Variants in UGT2A2 observed in about 807,000 individuals in gnomAD.
UGT2A2 encodes the protein UDP glucuronosyltransferase family 2 member A2.
In UGT2A2, 60 loss-of-function variants were observed where a neutral mutation model predicts 50.7. The observed-to-expected ratio is 1.18, with a 90% CI of 0.96 to 1.47. UGT2A2 has a LOEUF of 1.47. Among genes scored for constraint, UGT2A2 ranks in the 40% most tolerant of loss-of-function variants. The probability of loss-of-function intolerance (pLI) is 0.00; values close to 1 mark genes in which losing one functional copy is unlikely to be tolerated. For missense variants in UGT2A2, 762 were observed against 634.0 expected (o/e 1.20, Z -2.17); for synonymous variants, 242 against 214.6 (o/e 1.13, Z -1.11).
intron 1 of UGT2A2, among the ~76,000 whole-genome samples, chr4:69,613,391 A>T (rs1720183397): frequency 2.0e-5 from 3 of 151,974 alleles, no homozygotes; most frequent in Admixed American, 2.0e-4. Context: ...TCACTGTTGA[A>T]TTCTACCAAA....
chr4:69,594,728 G>A (rs1484354949), intron 4 of UGT2A2, 32 bp from the exon 5 acceptor site: 3 of 1,594,414 alleles, frequency 1.9e-6, no homozygotes, highest in African/African-American at 2.7e-5. Context: ...AAGTGGGTGT[G>A]TAATAATAAC....
chr4:69,619,156 G>C (rs2109932674), intron 1 of UGT2A2, among the ~76,000 whole-genome samples: 1 of 151,890 alleles, frequency 6.6e-6, no homozygotes, highest in South Asian at 2.1e-4. Context: ...CCAGTACTTT[G>C]GTAAGCCAAT....
chr4:69,605,330 A>G (rs1577958826), intron 1 of UGT2A2, among the ~76,000 whole-genome samples: 1 of 137,268 alleles, frequency 7.3e-6, no homozygotes, highest in East Asian at 2.1e-4. Flanking sequence ...TACTGGGTAC[A>G]TAACGAAATG....
chr4:69,601,784 C>A lies in UGT2A2; in HGVS notation c.743-2390G>T, dbSNP rs563912329. Among the ~76,000 whole-genome samples, 28 of 89,584 alleles carry A rather than the reference C, an allele frequency of 3.1e-4. 4 individuals are homozygous for A. Among genetic ancestry groups the A allele is most frequent in the Non-Finnish European group, 5.8e-4 (26 of 44,656 alleles). 58.8% of individuals were successfully genotyped at this position (89,584 alleles called of 152,430 possible). A position where few individuals can be genotyped will look rare whatever the true frequency, so the allele number is the denominator to read the frequency against. ...TAGAGGACAGGTCATATCACTGGAT[C>A]CCTTGCAGACATTCCCTAGCACCAG... On this transcript the variant is annotated intron_variant, in intron 1 of 5. Transcript: ENST00000604629.
At position 69,589,648 on chromosome 4, in the gene UGT2A2, A is replaced by G. The variant is rs780953199; in HGVS notation, c.1335T>C (p.Tyr445=). 6.2e-7 allele frequency: 1 copy of G among 1,603,738 alleles called. No individual in the cohort carries two copies. The highest frequency in any genetic ancestry group is 8.5e-7 in the Non-Finnish European group (1 of 1,174,642). Residue 445 remains tyrosine (Y), a synonymous_variant, in exon 6 of 6, where the codon TAT becomes TAC. Coordinates refer to ENST00000604629, the MANE Select transcript of UGT2A2 (RefSeq NM_001105677.2). ...TTGATAACCTCATAGCATTCTCTTT[A>G]TAACTAGAAGACAAATAAATAGGCA... ...ALRTVINEPS[Y]KENAMRLSRI...
At chr4:69,629,226 A>G (rs1721253238) in intron 1 of UGT2A2, among the ~76,000 whole-genome samples, 1 of 152,040 alleles carries the variant, frequency 6.6e-6, no homozygotes, top group Admixed American at 6.6e-5. Flanking sequence ...GGAGCCAGGT[A>G]ATACAGTCAA....
chr4:69,598,923 G>A (rs1719090928), intron 2 of UGT2A2, among the ~76,000 whole-genome samples: 1 of 152,114 alleles, frequency 6.6e-6, no homozygotes, highest in Admixed American at 6.6e-5. Flanking sequence ...ATAATGCTAT[G>A]TGGCTTGGTA....
chr4:69,592,667 A>T (rs1718654480), intron 5 of UGT2A2, among the ~76,000 whole-genome samples: 2 of 152,142 alleles, frequency 1.3e-5, no homozygotes, highest in African/African-American at 4.8e-5. Context: ...ATGAATTAAT[A>T]ATAGTAAAAA....
intron 1 of UGT2A2, among the ~76,000 whole-genome samples, chr4:69,600,809 T>TA (rs34446108): frequency 0.2 from 29,466 of 145,732 alleles, 3,461 homozygotes; most frequent in East Asian, 0.55. Flanking sequence ...GCTATACACT[T>TA]AAAAAAAAAA....
intron 1 of UGT2A2, among the ~76,000 whole-genome samples, chr4:69,601,374 T>G (rs1388080434): frequency 3.3e-5 from 5 of 152,108 alleles, no homozygotes; most frequent in Admixed American, 1.3e-4. Context: ...GGGAGCTCCA[T>G]GCCCTTCCCC....
intron 5 of UGT2A2, among the ~76,000 whole-genome samples, chr4:69,593,313 G>GA (rs4148320): frequency 6.6e-6 from 1 of 151,588 alleles, no homozygotes; most frequent in East Asian, 1.9e-4. Flanking sequence ...GTAAATGTGA[G>GA]AAAAAAATGA....
At chr4:69,616,256 A>T (rs902591983) in intron 1 of UGT2A2, among the ~76,000 whole-genome samples, 4 of 151,864 alleles carry the variant, frequency 2.6e-5, no homozygotes, top group African/African-American at 9.7e-5. Flanking sequence ...GGGAGGGTAT[A>T]AAGAGGGCAT....
chr4:69,627,552 G>A (rs868699940), intron 1 of UGT2A2, among the ~76,000 whole-genome samples: 68 of 146,742 alleles, frequency 4.6e-4, no homozygotes, highest in Admixed American at 1.9e-3. Context: ...GAGAGAAAGA[G>A]AGAGAGAGAG....
In UGT2A2 at chr4:69,604,748, A is replaced by G. The variant is rs184182887; in HGVS notation, c.743-5354T>C. Among the ~76,000 whole-genome samples, 3 of 136,666 alleles carry G rather than the reference A, an allele frequency of 2.2e-5. 1 individual carries two copies. Among genetic ancestry groups the G allele is most frequent in the Admixed American group, 2.2e-4 (3 of 13,882 alleles). 89.7% of individuals were successfully genotyped at this position (136,666 alleles called of 152,430 possible). ...AAGATCTACCAAGCAAATGGAAAACAAAAAAAGGCAGGGGTTGCAATCCTA... is the reference window on the plus strand; with the variant it reads ...AAGATCTACCAAGCAAATGGAAAACGAAAAAAGGCAGGGGTTGCAATCCTA... On this transcript the variant is annotated intron_variant, in intron 1 of 5. Transcript: ENST00000604629.
At chr4:69,593,937 T>C (rs1253835874) in intron 5 of UGT2A2, among the ~76,000 whole-genome samples, 2 of 151,710 alleles carry the variant, frequency 1.3e-5, no homozygotes, top group Non-Finnish European at 2.9e-5. Flanking sequence ...CATTCTTTAT[T>C]TTGAAAAATA....
chr4:69,609,355 G>C (rs1199322137), intron 1 of UGT2A2, among the ~76,000 whole-genome samples: 1 of 151,502 alleles, frequency 6.6e-6, no homozygotes, highest in African/African-American at 2.4e-5. Context: ...TTATTTTTCA[G>C]TTTTAATTTT....
Position 69,605,893 on chromosome 4 carries a change from T to G in UGT2A2, c.743-6499A>C, listed in dbSNP as rs951658465. 2.2e-5 allele frequency among the ~76,000 whole-genome samples: 3 copies of G among 136,856 alleles called. 1 individual carries two copies. The highest frequency in any genetic ancestry group is 3.1e-5 in the Non-Finnish European group (2 of 64,406). 89.8% of individuals were successfully genotyped at this position (136,856 alleles called of 152,430 possible). On this transcript the variant is annotated intron_variant, in intron 1 of 5. Coordinates refer to ENST00000604629, the MANE Select transcript of UGT2A2 (RefSeq NM_001105677.2). ...ATCAGGAAGACATTGAATCTCTGAATAGACCAATAACAGGCTCTGAAATTG... is the reference window on the plus strand; with the variant it reads ...ATCAGGAAGACATTGAATCTCTGAAGAGACCAATAACAGGCTCTGAAATTG...
chr4:69,599,245 C>T lies in UGT2A2; in HGVS notation c.891+1G>A. The T allele has an allele frequency of 6.2e-7, 1 of 1,612,968 alleles. No homozygotes were observed. The highest frequency in any genetic ancestry group is 8.5e-7 in the Non-Finnish European group (1 of 1,179,626). On this transcript the variant is annotated splice_donor_variant, in intron 2 of 5. Transcript: ENST00000604629. LOFTEE classifies it high-confidence loss of function. The stretch of plus-strand genomic sequence containing the variant: ...AAAATCCTCCACTGTTGTAGACCTA[C>T]CTTAGGTAAAGGTTTGGCAGGTTTG...
intron 1 of UGT2A2, among the ~76,000 whole-genome samples, chr4:69,638,016 G>T (rs370140166): frequency 2.6e-5 from 4 of 150,992 alleles, no homozygotes; most frequent in African/African-American, 9.7e-5. Context: ...AGGAAGGAAG[G>T]AAGGAAAGAA....
Sources: gnomAD v4.1 joint callset for allele counts (sites outside exome capture counted in the v4.1 genomes callset) on GRCh38, gnomAD v4.1.1 for gene constraint, MANE v1.5 for transcripts, NCBI Gene and HGNC (gene_info 2026-07-23, HGNC 2026-07-21) for gene names.